Variants in RAD51B observed in about 807,000 individuals in gnomAD.
RAD51B encodes DNA repair protein RAD51 homolog 2.
RAD51B carries 38 observed loss-of-function variants against 42.2 expected under a neutral mutation model. The observed-to-expected ratio is 0.90, with a 90% CI of 0.70 to 1.18. The LOEUF (loss-of-function observed/expected upper bound fraction) is 1.18. Ranked by LOEUF, RAD51B falls within the 50% of genes most tolerant of loss-of-function variation. The probability of loss-of-function intolerance (pLI) is 0.00; values close to 1 mark genes in which losing one functional copy is unlikely to be tolerated. For synonymous variants in RAD51B, 154 were observed against 145.2 expected, an observed-to-expected ratio of 1.06 and a Z score of -0.43; for missense variants, 373 against 400.7, an observed-to-expected ratio of 0.93 and a Z score of 0.59.
chr14:68,410,935 T>C (rs1366797173), intron 8 of RAD51B, among the ~76,000 whole-genome samples: 2 of 142,586 alleles, frequency 1.4e-5, no homozygotes, highest in Non-Finnish European at 3.2e-5. Flanking sequence ...TTTTGCGTTG[T>C]GTATACGGGG....
rs55670604 is a variant in RAD51B at position 68,540,199 on chromosome 14, G to A, written c.1037-54286G>A. 0.084 allele frequency: 57,195 copies of A among 677,032 alleles called. 2,514 individuals carry two copies. The highest frequency in any genetic ancestry group is 0.096 in the Non-Finnish European group (52,484 of 549,540). The allele number at this position is 677,032 out of a possible 1,614,324, so 41.9% of individuals were successfully genotyped here. On this transcript the variant is annotated intron_variant, in intron 10 of 10. Transcript: ENST00000487270. Reference sequence around the variant, plus strand: ...TTTTTTTTTTTTTTTTTTAAATACAGGATCTAGAGAATTCAAATGATCTGC... The same window carrying A: ...TTTTTTTTTTTTTTTTTTAAATACAAGATCTAGAGAATTCAAATGATCTGC...
intron 10 of RAD51B, among the ~76,000 whole-genome samples, chr14:68,571,706 C>T (rs1020237858): frequency 6.6e-6 from 1 of 152,170 alleles, no homozygotes; most frequent in African/African-American, 2.4e-5. Flanking sequence ...AGGCCGTGGA[C>T]ACCTTTGAGG....
chr14:68,665,331 G>A (rs1374057016), intron 11 of RAD51B, among the ~76,000 whole-genome samples: 4 of 152,256 alleles, frequency 2.6e-5, no homozygotes, highest in African/African-American at 9.6e-5. Context: ...CTTCAGGCAG[G>A]ATATTGAGTT....
intron 11 of RAD51B, among the ~76,000 whole-genome samples, chr14:68,651,716 C>T (rs562758821): frequency 4.6e-5 from 7 of 152,270 alleles, no homozygotes; most frequent in African/African-American, 1.2e-4. Context: ...CGCTTGGCAC[C>T]GTCTCTTTAA....
intron 7 of RAD51B, among the ~76,000 whole-genome samples, chr14:67,960,051 C>G (rs1403965851): frequency 1.3e-5 from 2 of 150,862 alleles, no homozygotes; most frequent in Non-Finnish European, 2.9e-5. Context: ...CGCCACTGCG[C>G]TACAGCCTGG....
intron 4 of RAD51B, among the ~76,000 whole-genome samples, chr14:67,846,799 G>A (rs2041631453): frequency 6.6e-6 from 1 of 152,150 alleles, no homozygotes; most frequent in African/African-American, 2.4e-5. Flanking sequence ...TTCTCCTAAG[G>A]CTAAAGTCTC....
intron 7 of RAD51B, among the ~76,000 whole-genome samples, chr14:67,924,289 A>G (rs147666859): frequency 1.3e-5 from 2 of 152,276 alleles, no homozygotes; most frequent in African/African-American, 4.8e-5. Context: ...GTTCTTGGTC[A>G]TGAAAACTTT....
intron 8 of RAD51B, among the ~76,000 whole-genome samples, chr14:68,356,734 C>A (rs966803253): frequency 2.0e-5 from 3 of 151,966 alleles, no homozygotes; most frequent in Non-Finnish European, 4.4e-5. Context: ...GTAATCCCAG[C>A]ACTTTGGGAG....
intron 3 of RAD51B, among the ~76,000 whole-genome samples, chr14:67,832,456 T>C (rs549306171): frequency 3.0e-5 from 4 of 134,578 alleles, no homozygotes; most frequent in Non-Finnish European, 5.1e-5. Context: ...TTCTGTTTTC[T>C]TTAACTTTTT....
chr14:67,912,621 A>G (rs190915955), intron 7 of RAD51B, among the ~76,000 whole-genome samples: 219 of 152,304 alleles, frequency 1.4e-3, no homozygotes, highest in Non-Finnish European at 2.3e-3. Flanking sequence ...GATACAAACA[A>G]TTTAGTGAGA....
chr14:68,601,216 G>A (rs1001582806), intron 10 of RAD51B, among the ~76,000 whole-genome samples: 5 of 151,982 alleles, frequency 3.3e-5, no homozygotes, highest in Admixed American at 6.6e-5. Context: ...TCATAGCCAC[G>A]TCTCACCAGT....
chr14:67,954,211 G>A (rs1299320611), intron 7 of RAD51B, among the ~76,000 whole-genome samples: 1 of 152,120 alleles, frequency 6.6e-6, no homozygotes, highest in African/African-American at 2.4e-5. Flanking sequence ...TCCACAGAAT[G>A]ATATGAGGGA....
At chr14:68,353,433 G>A (rs12890360) in intron 8 of RAD51B, among the ~76,000 whole-genome samples, 21,809 of 152,172 alleles carry the variant, frequency 0.14, 1,682 homozygotes, top group East Asian at 0.31. Flanking sequence ...TGTAGGTGAG[G>A]GATGGGGTAC....
At chr14:68,431,702 G>C (rs1036985093) in intron 9 of RAD51B, among the ~76,000 whole-genome samples, 13 of 152,030 alleles carry the variant, frequency 8.6e-5, no homozygotes, top group African/African-American at 3.1e-4. Context: ...CAAAAAACCA[G>C]CTCCTGGATT....
chr14:68,662,364 G>A (rs1892951138), intron 11 of RAD51B, among the ~76,000 whole-genome samples: 1 of 152,232 alleles, frequency 6.6e-6, no homozygotes, highest in Non-Finnish European at 1.5e-5. Context: ...CAGCCACCAT[G>A]AATCCAAACT....
At chr14:67,967,211 A>G (rs541532492) in intron 7 of RAD51B, among the ~76,000 whole-genome samples, 6 of 152,296 alleles carry the variant, frequency 3.9e-5, no homozygotes, top group African/African-American at 7.2e-5. Context: ...GATTCAAACT[A>G]TCTTCCACCA....
At chr14:68,390,376 T>TG (rs1289644116) in intron 8 of RAD51B, among the ~76,000 whole-genome samples, 1 of 152,258 alleles carries the variant, frequency 6.6e-6, no homozygotes, top group African/African-American at 2.4e-5. Flanking sequence ...TATTCACATT[T>TG]GGGGTCTTCA....
chr14:68,329,208 A>G (rs918639834), intron 8 of RAD51B, among the ~76,000 whole-genome samples: 21 of 152,056 alleles, frequency 1.4e-4, no homozygotes, highest in African/African-American at 3.6e-4. Flanking sequence ...GGGTCTCACT[A>G]TGTTGCCCAA....
At chr14:68,644,655 G>A (rs144643301) in intron 10 of RAD51B, among the ~76,000 whole-genome samples, 5 of 152,172 alleles carry the variant, frequency 3.3e-5, no homozygotes, top group African/African-American at 9.6e-5. Flanking sequence ...TCTCTGCTCC[G>A]TTTTCAATCT....
Sources: gnomAD v4.1 joint callset for allele counts (sites outside exome capture counted in the v4.1 genomes callset) on GRCh38, gnomAD v4.1.1 for gene constraint, MANE v1.5 for transcripts, NCBI Gene and HGNC (gene_info 2026-07-23, HGNC 2026-07-21) for gene names.